Variants in DAPK1 observed in about 807,000 individuals in gnomAD.
DAPK1 encodes the protein death-associated protein kinase 1.
DAPK1 carries 56 observed loss-of-function variants against 144.9 expected under a neutral mutation model. That is an observed-to-expected ratio of 0.39 (90% CI 0.31 to 0.48). The LOEUF (loss-of-function observed/expected upper bound fraction) is 0.48, where lower values mean the gene tolerates loss of function less well. Among genes scored for constraint, DAPK1 ranks in the 20% least tolerant of loss-of-function variants. DAPK1 has a pLI of 0.95. For missense variants in DAPK1, 1,454 were observed against 1,875.4 expected, an observed-to-expected ratio of 0.78 and a Z score of 4.15; for synonymous variants, 690 against 749.0, an observed-to-expected ratio of 0.92 and a Z score of 1.29.
intron 2 of DAPK1, among the ~76,000 whole-genome samples, chr9:87,564,093 C>G (rs1397333269): frequency 2.6e-5 from 4 of 152,206 alleles, no homozygotes; most frequent in Admixed American, 6.5e-5. Flanking sequence ...CTCTGGTGCC[C>G]TCCATACACA....
intron 2 of DAPK1, among the ~76,000 whole-genome samples, chr9:87,564,793 A>G (rs565130742): frequency 6.6e-6 from 1 of 152,266 alleles, no homozygotes; most frequent in African/African-American, 2.4e-5. Flanking sequence ...TAACGGTCTC[A>G]CCTCTTAACA....
In DAPK1 at chr9:87,567,014, A is replaced by G. The variant is rs893130073; in HGVS notation, c.63-37940A>G. Among the ~76,000 whole-genome samples, 46 of 152,292 alleles carry G rather than the reference A, an allele frequency of 3.0e-4. 2 individuals carry two copies. Among genetic ancestry groups the G allele is most frequent in the Non-Finnish European group, 8.8e-5 (6 of 68,026 alleles). ...CATTAATGAAGGGTTGCTAATGCAGAGAGAAGCTCCCCAGAATTCACGTTG... is the reference window on the plus strand; with the variant it reads ...CATTAATGAAGGGTTGCTAATGCAGGGAGAAGCTCCCCAGAATTCACGTTG... On this transcript the variant is annotated intron_variant, in intron 2 of 25. Coordinates refer to ENST00000408954, the MANE Select transcript of DAPK1 (RefSeq NM_004938.4).
intron 3 of DAPK1, chr9:87,632,511 A>G (rs575082947): frequency 4.1e-6 from 4 of 978,552 alleles, no homozygotes; most frequent in Non-Finnish European, 4.9e-6. Context: ...AAGGAAGATG[A>G]CAATATATAT....
At chr9:87,704,854 T>G (rs1449525469) in intron 25 of DAPK1, among the ~76,000 whole-genome samples, 1 of 152,158 alleles carries the variant, frequency 6.6e-6, no homozygotes, top group Non-Finnish European at 1.5e-5. Context: ...AGCCTCCAAG[T>G]GAGGGAGTCC....
chr9:87,513,910 G>T (rs1215144802), intron 2 of DAPK1, among the ~76,000 whole-genome samples: 1 of 152,200 alleles, frequency 6.6e-6, no homozygotes, highest in Non-Finnish European at 1.5e-5. Context: ...TGTTGTGGGG[G>T]CTGTCTTGTG....
chr9:87,523,774 A>G (rs553820728), intron 2 of DAPK1, among the ~76,000 whole-genome samples: 6 of 152,296 alleles, frequency 3.9e-5, no homozygotes, highest in African/African-American at 1.4e-4. Flanking sequence ...TCATCAAAAC[A>G]TGGTTTGAGG....
Position 87,499,432 on chromosome 9 carries a change from C to G in DAPK1, c.62+293C>G, listed in dbSNP as rs766771009. ...GTGCTAACTCTTGTCAGCCCTTGCC[C>G]TTCTGTGACAACAGGACAAACACTA... is the stretch of plus-strand genomic sequence containing the variant. On this transcript the variant is annotated intron_variant, in intron 2 of 25. Coordinates refer to ENST00000408954, the MANE Select transcript of DAPK1 (RefSeq NM_004938.4). 14 of 435,052 alleles carry G rather than the reference C, an allele frequency of 3.2e-5. No individual in the cohort carries two copies. In the East Asian group the frequency reaches 3.4e-4, roughly 11 times the overall value. 26.9% of individuals were successfully genotyped at this position (435,052 alleles called of 1,614,324 possible). A position where few individuals can be genotyped will look rare whatever the true frequency, so the allele number is the denominator to read the frequency against.
chr9:87,577,729 C>T (rs867383750), intron 2 of DAPK1, among the ~76,000 whole-genome samples: 6 of 152,008 alleles, frequency 3.9e-5, no homozygotes, highest in Non-Finnish European at 7.4e-5. Context: ...ACCCGGGAGG[C>T]GGAGGTTGCA....
intron 17 of DAPK1, 82 bp from the exon 18 acceptor site, chr9:87,657,947 T>TC: frequency 1.4e-6 from 1 of 720,936 alleles, no homozygotes; most frequent in Non-Finnish European, 2.6e-6. Context: ...CCTGACCCCT[T>TC]CCTTAACCTT....
At chr9:87,541,149 T>A (rs1461018360) in intron 2 of DAPK1, among the ~76,000 whole-genome samples, 1 of 152,198 alleles carries the variant, frequency 6.6e-6, no homozygotes, top group Non-Finnish European at 1.5e-5. Context: ...TAGTAAACAT[T>A]GGATATTGGT....
At chr9:87,697,288 C>T (rs1825294946) in intron 22 of DAPK1, 84 bp downstream of exon 22, 2 of 712,222 alleles carry the variant, frequency 2.8e-6, no homozygotes, top group East Asian at 2.7e-5. Flanking sequence ...CTGCCCTGCT[C>T]CTGCCACTGC....
intron 2 of DAPK1, among the ~76,000 whole-genome samples, chr9:87,518,095 T>G: frequency 1.2e-5 from 1 of 86,220 alleles, no homozygotes; most frequent in Non-Finnish European, 2.5e-5. Context: ...TATTTGCCGT[T>G]TATGTTGTTG....
chr9:87,587,231 C>G (rs1224388341), intron 2 of DAPK1, among the ~76,000 whole-genome samples: 1 of 152,240 alleles, frequency 6.6e-6, no homozygotes, highest in Admixed American at 6.5e-5. Flanking sequence ...CAGCCAGCAG[C>G]ATTTTACATC....
Position 87,649,911 on chromosome 9 carries a change from C to T in DAPK1, c.1429-10C>T, listed in dbSNP as rs1203471181. The T allele has an allele frequency of 1.9e-6, 3 of 1,614,018 alleles. No homozygotes were observed. The highest frequency in any genetic ancestry group is 2.5e-6 in the Non-Finnish European group (3 of 1,179,860). The stretch of plus-strand genomic sequence containing the variant: ...GTTCTCCTCCTCTCTGTACTCGTCT[C>T]CTTGGCCAGGAAGAAGAAACCCCCC... On this transcript the variant is annotated splice_polypyrimidine_tract_variant and intron_variant, in intron 15 of 25. Transcript: ENST00000408954.
intron 2 of DAPK1, among the ~76,000 whole-genome samples, chr9:87,577,433 CA>C (rs1827603412): frequency 6.6e-6 from 1 of 152,112 alleles, no homozygotes; most frequent in Admixed American, 6.5e-5. Context: ...ATACGAAAGC[CA>C]GGGTCCCCCC....
chr9:87,685,092 A>T (rs1022034370), intron 20 of DAPK1, among the ~76,000 whole-genome samples: 1 of 152,198 alleles, frequency 6.6e-6, no homozygotes, highest in Non-Finnish European at 1.5e-5. Flanking sequence ...ATATGCAGAG[A>T]AATACACTAA....
At chr9:87,550,783 G>C (rs533674800) in intron 2 of DAPK1, among the ~76,000 whole-genome samples, 2 of 152,212 alleles carry the variant, frequency 1.3e-5, no homozygotes, top group East Asian at 1.9e-4. Context: ...TTACTGCCGA[G>C]TAGTGCTCCA....
At chr9:87,520,614 G>C (rs138009825) in intron 2 of DAPK1, among the ~76,000 whole-genome samples, 4 of 152,184 alleles carry the variant, frequency 2.6e-5, no homozygotes, top group African/African-American at 4.8e-5. Flanking sequence ...CAATTTTATA[G>C]CCTATATGGT....
chr9:87,639,054 T>C (rs1380266914), intron 4 of DAPK1, among the ~76,000 whole-genome samples: 2 of 152,172 alleles, frequency 1.3e-5, no homozygotes, highest in African/African-American at 4.8e-5. Context: ...TTCCCCCAGT[T>C]ACCCCCACTT....
Sources: gnomAD v4.1 joint callset for allele counts (sites outside exome capture counted in the v4.1 genomes callset) on GRCh38, gnomAD v4.1.1 for gene constraint, MANE v1.5 for transcripts, NCBI Gene and HGNC (gene_info 2026-07-23, HGNC 2026-07-21) for gene names.